The following RAD51B variants were observed in gnomAD, a reference collection of about 807,000 sequenced individuals.
RAD51B encodes the protein RAD51 paralog B.
In RAD51B, 38 loss-of-function variants were observed where a neutral mutation model predicts 42.2. The observed-to-expected ratio is 0.90, with a 90% confidence interval of 0.70 to 1.18. The LOEUF (loss-of-function observed/expected upper bound fraction) is 1.18. RAD51B is among the 50% of genes most tolerant of loss of function. RAD51B has a pLI of 0.00. For synonymous variants in RAD51B, 154 were observed against 145.2 expected (o/e 1.06, Z -0.43); for missense variants, 373 against 400.7 (o/e 0.93, Z 0.59).
At chr14:68,290,885 C>A (rs1437022398) in intron 7 of RAD51B, among the ~76,000 whole-genome samples, 4 of 152,042 alleles carry the variant, frequency 2.6e-5, no homozygotes, top group East Asian at 1.9e-4. Context: ...AAGCTCACTG[C>A]AACCTCGGCC....
chr14:68,485,067 T>G (rs1566909445), intron 10 of RAD51B, among the ~76,000 whole-genome samples: 1 of 152,172 alleles, frequency 6.6e-6, no homozygotes, highest in African/African-American at 2.4e-5. Flanking sequence ...GATAAGGAAG[T>G]CGCTGAAAAC....
chr14:68,449,578 C>T (rs887883849), intron 9 of RAD51B, among the ~76,000 whole-genome samples: 11 of 152,106 alleles, frequency 7.2e-5, no homozygotes, highest in African/African-American at 1.4e-4. Context: ...TTAGGCCCAT[C>T]CCCCCAGCTG....
chr14:68,405,829 C>CAAAAAAAAAAAAAAA (rs10547910), intron 8 of RAD51B, among the ~76,000 whole-genome samples: 1 of 71,544 alleles, frequency 1.4e-5, no homozygotes, highest in Admixed American at 1.6e-4. Context: ...AGTTTATCAC[C>CAAAAAAAAAAAAAAA]AAAAAAAAAA....
intron 7 of RAD51B, among the ~76,000 whole-genome samples, chr14:68,037,752 C>T (rs2076156886): frequency 6.6e-6 from 1 of 152,188 alleles, no homozygotes; most frequent in South Asian, 2.1e-4. Flanking sequence ...TTGTGTTCTT[C>T]CACATGTTTG....
At chr14:68,480,495 A>C (rs968943347), downstream of RAD51B, among the ~76,000 whole-genome samples, 14 of 152,196 alleles carry the variant, frequency 9.2e-5, no homozygotes, top group African/African-American at 2.6e-4. Flanking sequence ...GAGACACCCC[A>C]CTCATTCTGG....
chr14:68,647,708 T>C (rs959645322), intron 10 of RAD51B, among the ~76,000 whole-genome samples: 5 of 152,130 alleles, frequency 3.3e-5, no homozygotes, highest in Non-Finnish European at 5.9e-5. Context: ...AATTTGTTGT[T>C]GTTGTTGTTG....
At chr14:68,273,591 T>C (rs540809876) in intron 7 of RAD51B, among the ~76,000 whole-genome samples, 1 of 152,310 alleles carries the variant, frequency 6.6e-6, no homozygotes, top group South Asian at 2.1e-4. Flanking sequence ...CTGTTCCACC[T>C]CTACAGTGCA....
chr14:67,971,220 C>T (rs751722431), intron 7 of RAD51B, among the ~76,000 whole-genome samples: 2 of 151,858 alleles, frequency 1.3e-5, no homozygotes, highest in African/African-American at 4.8e-5. Context: ...GTTTTTTTTC[C>T]TTATTCAACG....
chr14:67,993,554 G>A (rs575178744), intron 7 of RAD51B, among the ~76,000 whole-genome samples: 18 of 152,214 alleles, frequency 1.2e-4, no homozygotes, highest in African/African-American at 3.1e-4. Context: ...ATATTACTCC[G>A]TTTTGTGTAT....
At chr14:68,241,676 T>G (rs1321719111) in intron 7 of RAD51B, among the ~76,000 whole-genome samples, 1 of 152,226 alleles carries the variant, frequency 6.6e-6, no homozygotes, top group Middle Eastern at 3.2e-3. Context: ...TTTTATTTTT[T>G]TTTTAAATAG....
chr14:67,836,237 G>A (rs758958045), intron 4 of RAD51B, among the ~76,000 whole-genome samples: 10 of 152,198 alleles, frequency 6.6e-5, no homozygotes, highest in Non-Finnish European at 1.3e-4. Flanking sequence ...TTACATGACT[G>A]GCAAATGGGT....
intron 7 of RAD51B, among the ~76,000 whole-genome samples, chr14:67,910,097 T>G (rs971047505): frequency 6.6e-6 from 1 of 152,272 alleles, no homozygotes; most frequent in South Asian, 2.1e-4. Context: ...TTTTCAGAAA[T>G]TTTTTTCTTC....
intron 9 of RAD51B, among the ~76,000 whole-genome samples, chr14:68,420,158 A>G (rs2084662733): frequency 6.6e-6 from 1 of 152,236 alleles, no homozygotes; most frequent in Non-Finnish European, 1.5e-5. Context: ...ATTTGAAACC[A>G]AGTTTGTATA....
At chr14:68,496,170 A>G (rs765550920) in intron 10 of RAD51B, among the ~76,000 whole-genome samples, 34 of 152,292 alleles carry the variant, frequency 2.2e-4, no homozygotes, top group Non-Finnish European at 3.4e-4. Context: ...CAGTGTATTC[A>G]TCGGTAAAAG....
intron 7 of RAD51B, among the ~76,000 whole-genome samples, chr14:68,284,635 ATTG>A (rs2081380258): frequency 6.6e-6 from 1 of 152,236 alleles, no homozygotes. Context: ...CCAGAAAACA[ATTG>A]TTGTGCAGTC....
chr14:68,413,747 C>T (rs1295207576), intron 9 of RAD51B, among the ~76,000 whole-genome samples: 6 of 152,070 alleles, frequency 3.9e-5, no homozygotes, highest in East Asian at 1.9e-4. Flanking sequence ...CCATACGAAG[C>T]GAAGGCTTTT....
In RAD51B at chr14:68,508,503, A is replaced by C. The variant is rs1220866627; in HGVS notation, c.1036+40253A>C. Among the ~76,000 whole-genome samples the C allele has an allele frequency of 2.0e-5, 3 of 152,188 alleles. No individual in the cohort carries two copies. The East Asian group carries it at 5.8e-4, about 29-fold the overall frequency. On this transcript the variant is annotated intron_variant, in intron 10 of 10. Transcript: ENST00000487270. ...GCAGAGTCAACATTCTACGCAAGCC[A>C]GCGTGGCACCCTGCTTGTCTATGAT...
At chr14:68,241,265 G>A (rs370171430) in intron 7 of RAD51B, among the ~76,000 whole-genome samples, 4 of 152,202 alleles carry the variant, frequency 2.6e-5, no homozygotes, top group East Asian at 3.9e-4. Flanking sequence ...TCAATCAGGC[G>A]GGCGTGGTGG....
intron 5 of RAD51B, among the ~76,000 whole-genome samples, chr14:67,870,146 G>A (rs2140005476): frequency 6.7e-6 from 1 of 149,950 alleles, no homozygotes; most frequent in South Asian, 2.1e-4. Context: ...CTGGCAAATT[G>A]GATAAAGAGT....
Sources: allele counts gnomAD v4.1 joint callset (sites outside exome capture counted in the v4.1 genomes callset), GRCh38; gene constraint gnomAD v4.1.1; transcripts MANE v1.5; gene names NCBI Gene and HGNC (gene_info 2026-07-23, HGNC 2026-07-21).